MRTFA: variants seen among roughly 807,000 people sequenced by gnomAD.
The protein encoded by MRTFA is myocardin-related transcription factor A.
In MRTFA, 20 loss-of-function variants were observed where a neutral mutation model predicts 83.5. The observed-to-expected ratio is 0.24, with a 90% confidence interval of 0.17 to 0.35. The LOEUF (loss-of-function observed/expected upper bound fraction) is 0.35. Among genes scored for constraint, MRTFA ranks in the 10% least tolerant of loss-of-function variants. The probability of loss-of-function intolerance (pLI) is 1.00; values close to 1 mark genes in which losing one functional copy is unlikely to be tolerated. For synonymous variants in MRTFA, 659 were observed against 541.2 expected (o/e 1.22, Z -3.02); for missense variants, 1,200 against 1,224.7 (o/e 0.98, Z 0.30).
chr22:40,454,012 G>A (rs1301641445), intron 4 of MRTFA, among the ~76,000 whole-genome samples: 1 of 152,234 alleles, frequency 6.6e-6, no homozygotes, highest in African/African-American at 2.4e-5. Flanking sequence ...TCTTAACAGA[G>A]TAGTACCATG....
At chr22:40,449,274 GAAAA>G (rs35140973) in intron 4 of MRTFA, among the ~76,000 whole-genome samples, 1 of 88,008 alleles carries the variant, frequency 1.1e-5, no homozygotes, top group African/African-American at 4.7e-5. Context: ...CTCCAAACGA[GAAAA>G]AAAAAAAAAA....
chr22:40,606,990 T>C (rs1449981272), intron 1 of MRTFA, among the ~76,000 whole-genome samples: 1 of 152,206 alleles, frequency 6.6e-6, no homozygotes, highest in Non-Finnish European at 1.5e-5. Flanking sequence ...AAAATAACTA[T>C]TTTGTTAACA....
At chr22:40,525,551 T>C (rs1169988559) in intron 3 of MRTFA, among the ~76,000 whole-genome samples, 3 of 152,092 alleles carry the variant, frequency 2.0e-5, no homozygotes, top group African/African-American at 7.2e-5. Flanking sequence ...TGTACACTTA[T>C]GAAAGAACAA....
At position 40,420,432 on chromosome 22, in the gene MRTFA, G is replaced by C; in HGVS notation, c.1326C>G (p.Ala442=). The C allele has an allele frequency of 6.2e-7, 1 of 1,613,634 alleles. No homozygotes were observed. Among genetic ancestry groups the C allele is most frequent in the Non-Finnish European group, 8.5e-7 (1 of 1,179,976 alleles). The stretch of plus-strand genomic sequence containing the variant: ...TCATGTCGTCCAGGTTGGCCGGCAG[G>C]GCTCCCGGCTTGCCAGTCAGTGAGG... The change falls in exon 11 of 15, where the codon GCC becomes GCG. Residue 442 remains alanine, a synonymous_variant. Coordinates refer to ENST00000355630, the MANE Select transcript of MRTFA (RefSeq NM_020831.6).
chr22:40,446,543 G>A (rs939920726), intron 4 of MRTFA, among the ~76,000 whole-genome samples: 2 of 152,158 alleles, frequency 1.3e-5, no homozygotes, highest in Non-Finnish European at 1.5e-5. Context: ...AGGCAGGAGG[G>A]GAGGAGGCAA....
intron 1 of MRTFA, among the ~76,000 whole-genome samples, chr22:40,624,685 C>CA (rs2056561271): frequency 6.6e-6 from 1 of 152,082 alleles, no homozygotes; most frequent in African/African-American, 2.4e-5. Context: ...GGAAGGCATT[C>CA]AAAAAATCCC....
Position 40,418,399 on chromosome 22 carries a change from C to T in MRTFA, c.2339G>A (p.Gly780Asp), listed in dbSNP as rs570919578. The T allele has an allele frequency of 1.9e-6, 3 of 1,614,018 alleles. No individual in the cohort carries two copies. Among genetic ancestry groups the T allele is most frequent in the East Asian group, 2.2e-5 (1 of 44,882 alleles). The change falls in exon 12 of 15, where the codon GGC (glycine) becomes GAC (aspartate). Residue 780 changes from glycine to aspartate, a missense_variant. Transcript: ENST00000355630. ...CTGCTGGGGGCTCCCACTGGACAGG[C>T]CAGGGCTGTCTGCATTCTTATTGGT...
intron 3 of MRTFA, among the ~76,000 whole-genome samples, chr22:40,530,378 C>G (rs968872495): frequency 6.6e-6 from 1 of 152,240 alleles, no homozygotes; most frequent in African/African-American, 2.4e-5. Flanking sequence ...CTCACTGCAG[C>G]CTCTGCCTCC....
intron 4 of MRTFA, among the ~76,000 whole-genome samples, chr22:40,451,596 T>C (rs1569272367): frequency 6.6e-6 from 1 of 152,160 alleles, no homozygotes. Flanking sequence ...GACCCACTGA[T>C]GGTCAAAGAG....
intron 2 of MRTFA, among the ~76,000 whole-genome samples, chr22:40,594,390 G>A (rs1171229025): frequency 6.6e-6 from 1 of 152,060 alleles, no homozygotes; most frequent in Non-Finnish European, 1.5e-5. Context: ...GGTATGTGTG[G>A]GTGGGTACAT....
rs571613641 is a variant in MRTFA at position 40,585,283 on chromosome 22, T to A, written c.-22+9391A>T. Reference sequence around the variant, plus strand: ...ATGTAAAACATTATATAAACTTTTTTAAAAATCACATAGGCTAAATTTATA... The same window carrying A: ...ATGTAAAACATTATATAAACTTTTTAAAAAATCACATAGGCTAAATTTATA... On this transcript the variant is annotated intron_variant, in intron 2 of 14. Coordinates refer to ENST00000355630, the MANE Select transcript of MRTFA (RefSeq NM_020831.6). Among the ~76,000 whole-genome samples the A allele has an allele frequency of 2.9e-4, 44 of 152,342 alleles. No homozygotes were observed. In the East Asian group the frequency reaches 5.4e-3, roughly 19 times the overall value.
chr22:40,459,536 G>C (rs532699919), intron 4 of MRTFA, among the ~76,000 whole-genome samples: 1 of 151,958 alleles, frequency 6.6e-6, no homozygotes, highest in South Asian at 2.1e-4. Context: ...CACAGACACA[G>C]AGAACAACCC....
At chr22:40,626,846 C>T (rs1353465745) in intron 1 of MRTFA, among the ~76,000 whole-genome samples, 1 of 146,870 alleles carries the variant, frequency 6.8e-6, no homozygotes, top group Non-Finnish European at 1.5e-5. Context: ...GCCTGTGTAT[C>T]AGAATGAGAC....
At position 40,419,214 on chromosome 22, in the gene MRTFA, TACC is replaced by T; in HGVS notation, c.1521_1523del (p.Val508del). The T allele has an allele frequency of 6.2e-7, 1 of 1,601,996 alleles. No homozygotes were observed. Among genetic ancestry groups the T allele is most frequent in the Non-Finnish European group, 8.5e-7 (1 of 1,174,468 alleles). On this transcript the variant is annotated inframe_deletion, in exon 12 of 15. Transcript: ENST00000355630. ...TGCTCAGCCGGGCCGCTGGGAAGGC[TACC>T]ACCACCTCGCCAGCCTTGTGCAGGA...
chr22:40,592,408 AC>A (rs1471405691), intron 2 of MRTFA, among the ~76,000 whole-genome samples: 6 of 151,346 alleles, frequency 4.0e-5, no homozygotes, highest in African/African-American at 1.5e-4. Context: ...TAAATGTTCC[AC>A]ACTGCACTCC....
intron 4 of MRTFA, among the ~76,000 whole-genome samples, chr22:40,455,902 C>T (rs1338062365): frequency 6.6e-6 from 1 of 152,016 alleles, no homozygotes; most frequent in East Asian, 1.9e-4. Context: ...GGTGCAACCT[C>T]CACCTCCCAG....
chr22:40,574,624 G>A (rs971785091), intron 2 of MRTFA, among the ~76,000 whole-genome samples: 2 of 151,746 alleles, frequency 1.3e-5, no homozygotes, highest in East Asian at 1.9e-4. Context: ...TGGTAGAGAC[G>A]GGGTTTCACA....
At chr22:40,615,194 C>A (rs1322461354) in intron 1 of MRTFA, among the ~76,000 whole-genome samples, 1 of 152,132 alleles carries the variant, frequency 6.6e-6, no homozygotes, top group African/African-American at 2.4e-5. Context: ...GATTGAGGTT[C>A]ATTTCTTTAC....
At chr22:40,628,189 GATT>G (rs1452697291) in intron 1 of MRTFA, among the ~76,000 whole-genome samples, 2 of 152,080 alleles carry the variant, frequency 1.3e-5, no homozygotes, top group Non-Finnish European at 1.5e-5. Context: ...ATGTTGTAAG[GATT>G]ATTAACTCTA....
Sources: gnomAD v4.1 joint callset for allele counts (sites outside exome capture counted in the v4.1 genomes callset) on GRCh38, gnomAD v4.1.1 for gene constraint, MANE v1.5 for transcripts, NCBI Gene and HGNC (gene_info 2026-07-23, HGNC 2026-07-21) for gene names.